Variants in MS4A6E observed in about 807,000 individuals in gnomAD.
The protein encoded by MS4A6E is membrane spanning 4-domains A6E, also known as membrane-spanning 4-domains subfamily A member 6E.
Under a neutral mutation model 13.2 loss-of-function variants are expected in MS4A6E, and 8 were observed. The observed-to-expected ratio is 0.60, with a 90% CI of 0.35 to 1.09. The LOEUF (loss-of-function observed/expected upper bound fraction) is 1.09. Ranked by LOEUF, MS4A6E falls within the 50% of genes least tolerant of loss-of-function variation. The pLI is 0.02. For missense variants in MS4A6E, 177 were observed against 171.1 expected, an observed-to-expected ratio of 1.03 and a Z score of -0.19; for synonymous variants, 72 against 67.6, an observed-to-expected ratio of 1.06 and a Z score of -0.32.
downstream of MS4A6E, among the ~76,000 whole-genome samples, chr11:60,343,615 C>T (rs2085242452): frequency 6.6e-6 from 1 of 152,142 alleles, no homozygotes; most frequent in Non-Finnish European, 1.5e-5. Context: ...TTAAAATCTC[C>T]CTGCAAATAT....
At chr11:60,337,642 G>A in intron 2 of MS4A6E, 99 bp from the exon 3 acceptor site, 3 of 1,440,632 alleles carry the variant, frequency 2.1e-6, no homozygotes, top group Non-Finnish European at 2.9e-6. Flanking sequence ...CTTCCTGAGG[G>A]AGACAGATAA....
chr11:60,327,698 T>G (rs1288767301), intron 1 of MS4A6E, among the ~76,000 whole-genome samples: 1 of 152,142 alleles, frequency 6.6e-6, no homozygotes, highest in Non-Finnish European at 1.5e-5. Context: ...TGAGTGCCAT[T>G]CTGATGTGGT....
chr11:60,336,332 A>G (rs191127412), intron 2 of MS4A6E, among the ~76,000 whole-genome samples: 4 of 152,326 alleles, frequency 2.6e-5, no homozygotes, highest in Admixed American at 2.6e-4. Flanking sequence ...CTTCAAATAT[A>G]AGTAGCCCAT....
At chr11:60,344,406 G>A (rs556098916), downstream of MS4A6E, among the ~76,000 whole-genome samples, 7 of 152,266 alleles carry the variant, frequency 4.6e-5, no homozygotes, top group South Asian at 1.5e-3. Context: ...GAGGAGGAAG[G>A]AGCCACCTGT....
chr11:60,338,732 G>C (rs1481882037), intron 3 of MS4A6E: 1 of 152,214 alleles, frequency 6.6e-6, no homozygotes, highest in East Asian at 1.9e-4. Context: ...AGAAGTTGCA[G>C]AATATTTATT....
intron 3 of MS4A6E, among the ~76,000 whole-genome samples, chr11:60,339,540 T>G (rs963601281): frequency 3.3e-5 from 5 of 152,220 alleles, no homozygotes; most frequent in Non-Finnish European, 5.9e-5. Context: ...TTCTCAGTCC[T>G]GGGAGCTATT....
rs1301262675 is a variant in MS4A6E at position 60,335,767 on chromosome 11, G to C, written c.147+725G>C. On this transcript the variant is annotated intron_variant, in intron 2 of 4. Transcript: ENST00000684409. ...GACAAAAGGTCTAGGAAACTTCTTG[G>C]TAAATGATAATAGAGCTGTGAATCT... 64 of 326,754 alleles carry C rather than the reference G, an allele frequency of 2.0e-4. 1 individual carries two copies. The Admixed American group carries it at 2.7e-3, about 14-fold the overall frequency. 20.2% of individuals were successfully genotyped at this position (326,754 alleles called of 1,614,324 possible). A position where few individuals can be genotyped will look rare whatever the true frequency, so the allele number is the denominator to read the frequency against.
At chr11:60,328,735 G>A (rs1226080792) in intron 1 of MS4A6E, among the ~76,000 whole-genome samples, 1 of 151,160 alleles carries the variant, frequency 6.6e-6, no homozygotes, top group Non-Finnish European at 1.5e-5. Context: ...CAGAGAGATA[G>A]AGAGTGAAAC....
downstream of MS4A6E, among the ~76,000 whole-genome samples, chr11:60,344,197 T>C (rs1353905912): frequency 1.3e-5 from 2 of 152,258 alleles, no homozygotes; most frequent in Non-Finnish European, 2.9e-5. Context: ...GGTATTTAAG[T>C]AGACCACAGC....
intron 4 of MS4A6E, among the ~76,000 whole-genome samples, chr11:60,346,475 G>T (rs1454055238): frequency 1.3e-5 from 2 of 152,170 alleles, no homozygotes; most frequent in African/African-American, 4.8e-5. Flanking sequence ...TAATAAACTT[G>T]TTCTTTAGGA....
intron 4 of MS4A6E, among the ~76,000 whole-genome samples, chr11:60,348,960 G>A (rs1351324124): frequency 6.6e-6 from 1 of 152,150 alleles, no homozygotes; most frequent in South Asian, 2.1e-4. Flanking sequence ...AAGAATGGGA[G>A]TGAAGAACAA....
intron 4 of MS4A6E, among the ~76,000 whole-genome samples, chr11:60,348,425 GC>G (rs1176686385): frequency 6.6e-6 from 1 of 152,202 alleles, no homozygotes; most frequent in Non-Finnish European, 1.5e-5. Flanking sequence ...ATTCCCTTGA[GC>G]TATATTCCCA....
chr11:60,341,912 T>C (rs1248194129), downstream of MS4A6E, among the ~76,000 whole-genome samples: 1 of 152,198 alleles, frequency 6.6e-6, no homozygotes, highest in African/African-American at 2.4e-5. Context: ...TCAACTTTTA[T>C]TGATACTTAT....
chr11:60,329,071 G>C (rs2085137459), intron 1 of MS4A6E, among the ~76,000 whole-genome samples: 1 of 152,136 alleles, frequency 6.6e-6, no homozygotes, highest in Non-Finnish European at 1.5e-5. Context: ...GTATACACGT[G>C]CCATGGTGGT....
chr11:60,340,309 C>A (rs1017769333), intron 4 of MS4A6E, among the ~76,000 whole-genome samples: 10 of 152,180 alleles, frequency 6.6e-5, no homozygotes, highest in African/African-American at 2.4e-4. Flanking sequence ...ACCTGGCTTG[C>A]CTCCCTTCTA....
rs778770030 is a variant in MS4A6E, at chr11:60,334,876, C to T, written c.-14-6C>T. The T allele has an allele frequency of 2.4e-5, 38 of 1,609,824 alleles. No homozygotes were observed. In the African/African-American group the frequency reaches 4.6e-4, roughly 19 times the overall value. On this transcript the variant is annotated splice_region_variant and splice_polypyrimidine_tract_variant and intron_variant, in intron 1 of 4. Coordinates refer to ENST00000684409, the MANE Select transcript of MS4A6E (RefSeq NM_139249.4). Reference sequence around the variant, plus strand: ...TTAAGAGCTAAATCTATTTTTTCTTCCGTAGTTGGCAACACCATTATGACA... The same window carrying T: ...TTAAGAGCTAAATCTATTTTTTCTTTCGTAGTTGGCAACACCATTATGACA...
At chr11:60,342,761 A>C (rs1264254177), downstream of MS4A6E, among the ~76,000 whole-genome samples, 1 of 152,202 alleles carries the variant, frequency 6.6e-6, no homozygotes. Context: ...AACTGCTGGC[A>C]TTCACCTTTG....
intron 2 of MS4A6E, 100 bp downstream of exon 2, chr11:60,335,142 A>C: frequency 6.7e-7 from 1 of 1,499,590 alleles, no homozygotes; most frequent in Non-Finnish European, 8.9e-7. Flanking sequence ...GGAGACCCTT[A>C]AGTTTTGCTG....
At chr11:60,328,526 TACACAC>T (rs35996897) in intron 1 of MS4A6E, among the ~76,000 whole-genome samples, 36,258 of 145,696 alleles carry the variant, frequency 0.25, 4,459 homozygotes, top group Middle Eastern at 0.32. Flanking sequence ...AACTGTGAGA[TACACAC>T]ACACACACAC....
Sources: allele counts gnomAD v4.1 joint callset (sites outside exome capture counted in the v4.1 genomes callset), GRCh38; gene constraint gnomAD v4.1.1; transcripts MANE v1.5; gene names NCBI Gene and HGNC (gene_info 2026-07-23, HGNC 2026-07-21).